LRRC4C: variants seen among roughly 807,000 people sequenced by gnomAD.
The protein encoded by LRRC4C is leucine rich repeat containing 4C, also known as leucine-rich repeat-containing protein 4C.
In LRRC4C, 5 loss-of-function variants were observed where a neutral mutation model predicts 33.6. That is an observed-to-expected ratio of 0.15 (90% CI 0.08 to 0.31). LRRC4C has a LOEUF of 0.31. LRRC4C is among the 10% of genes least tolerant of loss of function. The pLI is 1.00. For synonymous variants in LRRC4C, 329 were observed against 302.0 expected (o/e 1.09, Z -0.93); for missense variants, 560 against 796.7 (o/e 0.70, Z 3.58).
At chr11:40,734,694 A>G (rs1947765536) in intron 2 of LRRC4C, among the ~76,000 whole-genome samples, 1 of 152,166 alleles carries the variant, frequency 6.6e-6, no homozygotes, top group African/African-American at 2.4e-5. Flanking sequence ...AAAGAAACAT[A>G]TGTTTCTTTA....
intron 1 of LRRC4C, among the ~76,000 whole-genome samples, chr11:41,264,337 G>A (rs543492238): frequency 6.6e-6 from 1 of 152,114 alleles, no homozygotes; most frequent in East Asian, 1.9e-4. Flanking sequence ...TGATCCGCCT[G>A]CCTCGGACTC....
At chr11:40,905,292 C>T (rs1056213923) in intron 2 of LRRC4C, among the ~76,000 whole-genome samples, 2 of 152,032 alleles carry the variant, frequency 1.3e-5, no homozygotes, top group African/African-American at 2.4e-5. Context: ...AGAAATAGCT[C>T]TTCTCTCCAC....
At chr11:41,351,579 G>A (rs992487773) in intron 1 of LRRC4C, among the ~76,000 whole-genome samples, 4 of 152,062 alleles carry the variant, frequency 2.6e-5, no homozygotes, top group African/African-American at 9.7e-5. Context: ...AAAAAATACT[G>A]AAGGCAGCTA....
intron 1 of LRRC4C, among the ~76,000 whole-genome samples, chr11:41,447,175 C>G (rs1257767752): frequency 6.6e-6 from 1 of 152,148 alleles, no homozygotes; most frequent in Admixed American, 6.6e-5. Context: ...CCAGCTCTAA[C>G]AATTATTAGC....
At chr11:41,292,980 G>GA (rs1182939547) in intron 1 of LRRC4C, among the ~76,000 whole-genome samples, 3 of 151,928 alleles carry the variant, frequency 2.0e-5, no homozygotes, top group African/African-American at 7.3e-5. Context: ...TTATAATATT[G>GA]AAAAAATGGT....
intron 2 of LRRC4C, among the ~76,000 whole-genome samples, chr11:40,915,661 A>G (rs1052041663): frequency 5.9e-5 from 9 of 152,232 alleles, no homozygotes; most frequent in African/African-American, 2.2e-4. Context: ...CTAAAACACC[A>G]AAAGTAATGG....
intron 3 of LRRC4C, among the ~76,000 whole-genome samples, chr11:40,494,276 T>C (rs1380085876): frequency 1.3e-5 from 2 of 152,202 alleles, no homozygotes; most frequent in South Asian, 2.1e-4. Flanking sequence ...ACTGAAAAAG[T>C]TATTTTTATT....
chr11:41,029,153 C>G (rs1856565702), intron 1 of LRRC4C, among the ~76,000 whole-genome samples: 1 of 151,708 alleles, frequency 6.6e-6, no homozygotes, highest in African/African-American at 2.4e-5. Flanking sequence ...AACTAGTCGA[C>G]TACATTACGA....
At chr11:40,820,447 T>C (rs1951885675) in intron 2 of LRRC4C, among the ~76,000 whole-genome samples, 2 of 151,926 alleles carry the variant, frequency 1.3e-5, no homozygotes, top group African/African-American at 2.4e-5. Context: ...AATCTGAATA[T>C]AGTTCAAATA....
chr11:40,404,598 C>G (rs760708206), intron 3 of LRRC4C, among the ~76,000 whole-genome samples: 2 of 151,902 alleles, frequency 1.3e-5, no homozygotes, highest in Non-Finnish European at 2.9e-5. Context: ...TATGTTATGC[C>G]CACTTTTTCT....
chr11:41,059,143 A>C (rs952297018), intron 1 of LRRC4C, among the ~76,000 whole-genome samples: 3 of 151,876 alleles, frequency 2.0e-5, no homozygotes, highest in Admixed American at 6.6e-5. Context: ...ATCAGCACCA[A>C]ACCCTAATGA....
chr11:40,350,353 T>A (rs1326095327), intron 3 of LRRC4C, among the ~76,000 whole-genome samples: 1 of 152,122 alleles, frequency 6.6e-6, no homozygotes. Flanking sequence ...GAGGCTGTCC[T>A]TTCCCTAGTG....
At chr11:40,981,243 G>A (rs1331119751) in intron 1 of LRRC4C, among the ~76,000 whole-genome samples, 7 of 151,916 alleles carry the variant, frequency 4.6e-5, no homozygotes, top group Non-Finnish European at 7.4e-5. Context: ...GTGAAACCCC[G>A]TCTCTACTAA....
chr11:40,851,493 G>T (rs1005916352), intron 2 of LRRC4C, among the ~76,000 whole-genome samples: 4 of 152,180 alleles, frequency 2.6e-5, no homozygotes, highest in African/African-American at 9.7e-5. Context: ...CCAGTGAGAT[G>T]AACTGGCTAC....
At chr11:41,119,874 C>T (rs533954638) in intron 1 of LRRC4C, among the ~76,000 whole-genome samples, 6 of 152,168 alleles carry the variant, frequency 3.9e-5, no homozygotes, top group South Asian at 2.1e-4. Context: ...AATTTTGCAA[C>T]GCTGAACTTT....
intron 3 of LRRC4C, among the ~76,000 whole-genome samples, chr11:40,533,706 T>C (rs11035899): frequency 0.088 from 13,361 of 152,114 alleles, 1,671 homozygotes; most frequent in African/African-American, 0.28. Flanking sequence ...CAATCACATG[T>C]GATTATTTGG....
chr11:40,300,307 A>G (rs1158436521), intron 4 of LRRC4C, among the ~76,000 whole-genome samples: 2 of 152,180 alleles, frequency 1.3e-5, no homozygotes, highest in African/African-American at 4.8e-5. Flanking sequence ...ACAGATCCAA[A>G]CCATATCAGA....
At chr11:40,753,927 AAT>A (rs1048240201) in intron 2 of LRRC4C, among the ~76,000 whole-genome samples, 11 of 151,962 alleles carry the variant, frequency 7.2e-5, no homozygotes, top group African/African-American at 1.9e-4. Flanking sequence ...AAAGATAAAA[AAT>A]ATGTGTGTAT....
intron 5 of LRRC4C, among the ~76,000 whole-genome samples, chr11:40,164,478 C>T (rs926908675): frequency 2.6e-5 from 4 of 152,076 alleles, no homozygotes; most frequent in African/African-American, 9.7e-5. Context: ...CTCAGGTGAT[C>T]TGCCCACCTC....
Sources: gnomAD v4.1 joint callset for allele counts (sites outside exome capture counted in the v4.1 genomes callset) on GRCh38, gnomAD v4.1.1 for gene constraint, MANE v1.5 for transcripts, NCBI Gene and HGNC (gene_info 2026-07-23, HGNC 2026-07-21) for gene names.